COL4A4: variants seen among roughly 807,000 people sequenced by gnomAD.
COL4A4 encodes collagen type IV alpha 4 chain, also known as collagen alpha-4(IV) chain.
A neutral mutation model predicts 192.9 loss-of-function variants in COL4A4; 105 were observed. The observed-to-expected ratio is 0.54, with a 90% confidence interval of 0.46 to 0.64. The LOEUF (loss-of-function observed/expected upper bound fraction) is 0.64. Ranked by LOEUF, COL4A4 falls within the 30% of genes least tolerant of loss-of-function variation. The pLI is 0.00. For missense variants in COL4A4, 1,967 were observed against 2,169.3 expected, an observed-to-expected ratio of 0.91 and a Z score of 1.85; for synonymous variants, 762 against 769.9, an observed-to-expected ratio of 0.99 and a Z score of 0.17.
At chr2:226,999,916 T>G (rs961030653), downstream of COL4A4, among the ~76,000 whole-genome samples, 14 of 152,208 alleles carry the variant, frequency 9.2e-5, no homozygotes, top group Admixed American at 5.9e-4. Flanking sequence ...TACTGTGTCT[T>G]TCTCTCACTA....
chr2:227,026,498 CAAAA>C (rs1223060129), intron 42 of COL4A4, among the ~76,000 whole-genome samples: 5 of 72,814 alleles, frequency 6.9e-5, no homozygotes, highest in Non-Finnish European at 5.9e-5. Flanking sequence ...GACTCCGTCT[CAAAA>C]AAAAAAAAAA....
chr2:226,987,104 G>C, the COL4A4 span, among the ~76,000 whole-genome samples: 1 of 152,112 alleles, frequency 6.6e-6, no homozygotes, highest in African/African-American at 2.4e-5. Flanking sequence ...GCATGTTCTC[G>C]CTCATAAGTG....
intron 34 of COL4A4, 86 bp from the exon 35 acceptor site, chr2:227,047,635 A>G: frequency 2.4e-6 from 2 of 831,464 alleles, no homozygotes; most frequent in Non-Finnish European, 4.1e-6. Flanking sequence ...TGGTATTTGT[A>G]TAGCTTATCT....
At position 227,098,780 on chromosome 2, in the gene COL4A4, C is replaced by T. The variant is rs755649235; in HGVS notation, c.1118G>A (p.Gly373Glu). 37 of 1,613,872 alleles carry T rather than the reference C, an allele frequency of 2.3e-5. No homozygotes were observed. Among genetic ancestry groups the T allele is most frequent in the Non-Finnish European group, 3.1e-5 (37 of 1,179,958 alleles). The change falls in exon 19 of 48, where the codon GGG (glycine) becomes GAG (glutamate). Residue 373 changes from glycine (G) to glutamate (E), a missense_variant. Gly to Glu is a moderately conservative substitution (Grantham distance 98). Transcript: ENST00000396625. ...TGTTTCTCCATAGCGGCCAGGGAAC[C>T]CTGGGTCCCCTGGTGGGCCTGCCAA... ...LPLKGPPGDP[G>E]FPGRYGETGD...
intron 20 of COL4A4, 56 bp downstream of exon 20, chr2:227,094,069 C>T (rs2060079236): frequency 3.4e-6 from 5 of 1,492,248 alleles, no homozygotes; most frequent in Non-Finnish European, 4.6e-6. Flanking sequence ...CTTAGTGGCA[C>T]TGCAAATATC....
the COL4A4 span, among the ~76,000 whole-genome samples, chr2:226,981,119 A>G: frequency 6.6e-6 from 1 of 152,316 alleles, no homozygotes; most frequent in South Asian, 2.1e-4. Context: ...TCACAAGGAC[A>G]GAAAACCAAA....
chr2:227,032,818 C>T (rs779830464), intron 38 of COL4A4, among the ~76,000 whole-genome samples: 10 of 152,212 alleles, frequency 6.6e-5, no homozygotes, highest in Non-Finnish European at 1.5e-4. Context: ...TTCCTCTTCC[C>T]CAGGGTCACT....
At chr2:227,098,375 C>G (rs2060319096) in intron 19 of COL4A4, among the ~76,000 whole-genome samples, 1 of 152,212 alleles carries the variant, frequency 6.6e-6, no homozygotes, top group Admixed American at 6.6e-5. Flanking sequence ...TTACAACACC[C>G]CTATGATATT....
intron 25 of COL4A4, among the ~76,000 whole-genome samples, chr2:227,070,093 T>C (rs1007736909): frequency 2.0e-5 from 3 of 152,040 alleles, no homozygotes; most frequent in African/African-American, 7.3e-5. Context: ...AGAAGACATT[T>C]ATGCAGCCAA....
intron 22 of COL4A4, among the ~76,000 whole-genome samples, chr2:227,088,030 G>A (rs2059695986): frequency 6.6e-6 from 1 of 152,172 alleles, no homozygotes; most frequent in Non-Finnish European, 1.5e-5. Flanking sequence ...CTGGGCTCTG[G>A]TCCCTGCTGT....
At chr2:227,072,716 T>C (rs2058792951) in intron 25 of COL4A4, among the ~76,000 whole-genome samples, 1 of 152,014 alleles carries the variant, frequency 6.6e-6, no homozygotes, top group Non-Finnish European at 1.5e-5. Flanking sequence ...ATCAAGTGGT[T>C]TTCATCCCAG....
the COL4A4 span, among the ~76,000 whole-genome samples, chr2:226,973,984 G>T: frequency 1.3e-5 from 2 of 152,168 alleles, no homozygotes; most frequent in Non-Finnish European, 2.9e-5. Context: ...TGAGGGTTTT[G>T]TGGGTAAGAG....
At chr2:227,156,187 C>T (rs1372631270) in intron 1 of COL4A4, among the ~76,000 whole-genome samples, 1 of 151,894 alleles carries the variant, frequency 6.6e-6, no homozygotes, top group Admixed American at 6.6e-5. Context: ...TCACTTGAGC[C>T]CAGGAGTTTG....
At chr2:227,044,966 C>A (rs59339913) in intron 35 of COL4A4, among the ~76,000 whole-genome samples, 179 of 152,304 alleles carry the variant, frequency 1.2e-3, no homozygotes, top group African/African-American at 4.1e-3. Context: ...TTGGCCAAGG[C>A]AAACTTTCTG....
chr2:227,124,188 T>C (rs1017457163), intron 4 of COL4A4, among the ~76,000 whole-genome samples: 9 of 152,172 alleles, frequency 5.9e-5, no homozygotes, highest in Non-Finnish European at 7.4e-5. Flanking sequence ...TAAATGAACA[T>C]TTCTAGGACA....
At chr2:227,155,525 TC>T (rs1442215203) in intron 1 of COL4A4, among the ~76,000 whole-genome samples, 2 of 152,140 alleles carry the variant, frequency 1.3e-5, no homozygotes, top group Non-Finnish European at 1.5e-5. Context: ...AAACCACTAA[TC>T]CCCCACATTT....
At chr2:227,028,884 T>C (rs1434387804) in intron 41 of COL4A4, among the ~76,000 whole-genome samples, 1 of 152,168 alleles carries the variant, frequency 6.6e-6, no homozygotes, top group Non-Finnish European at 1.5e-5. Flanking sequence ...TCTTGAACTA[T>C]ACTGGCCTCC....
Position 227,044,685 on chromosome 2 carries a change from C to T in COL4A4, c.3290-1501G>A, listed in dbSNP as rs115956064. 9.2e-3 allele frequency among the ~76,000 whole-genome samples: 1,397 copies of T among 152,140 alleles called. 19 individuals are homozygous for T. The highest frequency in any genetic ancestry group is 0.032 in the African/African-American group (1,315 of 41,498). On this transcript the variant is annotated intron_variant, in intron 35 of 47. Coordinates refer to ENST00000396625, the MANE Select transcript of COL4A4 (RefSeq NM_000092.5). Reference sequence around the variant, plus strand: ...AGAACAGAACTTCTGAGTTAATTTGCACTATATTTTCTCTCTGAATAGAGT... The same window carrying T: ...AGAACAGAACTTCTGAGTTAATTTGTACTATATTTTCTCTCTGAATAGAGT...
chr2:227,090,853 T>A (rs2059879892), intron 20 of COL4A4, among the ~76,000 whole-genome samples: 2 of 141,444 alleles, frequency 1.4e-5, no homozygotes, highest in African/African-American at 2.6e-5. Flanking sequence ...AACAACCAAG[T>A]AAAAGAACTT....
Sources: allele counts gnomAD v4.1 joint callset (sites outside exome capture counted in the v4.1 genomes callset), GRCh38; gene constraint gnomAD v4.1.1; transcripts MANE v1.5; gene names NCBI Gene and HGNC (gene_info 2026-07-23, HGNC 2026-07-21).